Variants in ZMPSTE24 observed in about 807,000 individuals in gnomAD.
The protein encoded by ZMPSTE24 is zinc metallopeptidase STE24, also known as CAAX prenyl protease 1 homolog.
In ZMPSTE24, 48 loss-of-function variants were observed where a neutral mutation model predicts 56.7. The observed-to-expected ratio is 0.85, with a 90% CI of 0.67 to 1.08. The LOEUF (loss-of-function observed/expected upper bound fraction) is 1.08, where lower values mean the gene tolerates loss of function less well. ZMPSTE24 is among the 50% of genes least tolerant of loss of function. The pLI is 0.00. For synonymous variants in ZMPSTE24, 172 were observed against 195.2 expected, an observed-to-expected ratio of 0.88 and a Z score of 0.99; for missense variants, 503 against 548.7, an observed-to-expected ratio of 0.92 and a Z score of 0.83.
chr1:40,273,234 C>T (rs1360942755), intron 6 of ZMPSTE24, among the ~76,000 whole-genome samples: 1 of 151,852 alleles, frequency 6.6e-6, no homozygotes, highest in African/African-American at 2.4e-5. Context: ...TTTCAGACAT[C>T]TGGCTGGGCG....
chr1:40,289,675 A>G (rs1643820623), intron 8 of ZMPSTE24, among the ~76,000 whole-genome samples: 1 of 152,214 alleles, frequency 6.6e-6, no homozygotes, highest in African/African-American at 2.4e-5. Flanking sequence ...TAATTTGCAC[A>G]GAAAAAGAAT....
At chr1:40,284,890 C>G (rs1481988429) in intron 7 of ZMPSTE24, among the ~76,000 whole-genome samples, 1 of 146,940 alleles carries the variant, frequency 6.8e-6, no homozygotes, top group East Asian at 2.0e-4. Context: ...GTCTTACTTT[C>G]TTCACCTAAT....
intron 9 of ZMPSTE24, 151 bp from the exon 10 acceptor site, chr1:40,292,294 C>T (rs1643850980): frequency 1.4e-6 from 1 of 700,234 alleles, no homozygotes; most frequent in Non-Finnish European, 2.5e-6. Flanking sequence ...ATAATTTCCT[C>T]ACCCTAGGTC....
intron 1 of ZMPSTE24, among the ~76,000 whole-genome samples, chr1:40,260,164 G>A (rs1255329654): frequency 6.9e-6 from 1 of 144,708 alleles, no homozygotes; most frequent in Non-Finnish European, 1.5e-5. Context: ...AGGCTCAAGT[G>A]ATCCTCCCAC....
chr1:40,278,792 A>G (rs1643698335), intron 6 of ZMPSTE24, among the ~76,000 whole-genome samples: 1 of 152,158 alleles, frequency 6.6e-6, no homozygotes, highest in Admixed American at 6.5e-5. Flanking sequence ...TAGAAATCAA[A>G]GAAGTGCATA....
At chr1:40,286,334 A>G (rs1297961208) in intron 8 of ZMPSTE24, among the ~76,000 whole-genome samples, 1 of 152,210 alleles carries the variant, frequency 6.6e-6, no homozygotes, top group Non-Finnish European at 1.5e-5. Context: ...TGTTATCACC[A>G]CCATCATCAC....
intron 5 of ZMPSTE24, among the ~76,000 whole-genome samples, chr1:40,270,472 A>G (rs1366750970): frequency 6.6e-6 from 1 of 152,208 alleles, no homozygotes; most frequent in East Asian, 1.9e-4. Flanking sequence ...GCCTAAAATC[A>G]TGGTTATTTT....
chr1:40,275,524 G>A (rs1643661057), intron 6 of ZMPSTE24, among the ~76,000 whole-genome samples: 1 of 151,894 alleles, frequency 6.6e-6, no homozygotes, highest in Non-Finnish European at 1.5e-5. Context: ...GGCTGAGGCA[G>A]GTGGATTACC....
Position 40,293,332 on chromosome 1 carries a change from T to G in ZMPSTE24, c.*663T>G, listed in dbSNP as rs1254121202. The G allele has an allele frequency of 6.6e-6, 1 of 152,128 alleles. No individual in the cohort carries two copies. The highest frequency in any genetic ancestry group is 2.4e-5 in the African/African-American group (1 of 41,412). 9.4% of individuals were successfully genotyped at this position (152,128 alleles called of 1,614,324 possible). A position where few individuals can be genotyped will look rare whatever the true frequency, so the allele number is the denominator to read the frequency against. ...TTTTAAATCATTGAGTTTTGTGGGG[T>G]TTTTTTGTTTGTTTGTTTCTTTTGT... On this transcript the variant is annotated 3_prime_UTR_variant, in exon 10 of 10. Transcript: ENST00000372759.
rs867305701 is a variant in ZMPSTE24 at position 40,262,838 on chromosome 1, A to G, written c.270+1853A>G. 5.9e-5 allele frequency: 69 copies of G among 1,165,164 alleles called. 1 individual carries two copies. The South Asian group carries it at 1.1e-3, about 18-fold the overall frequency. 72.2% of individuals were successfully genotyped at this position (1,165,164 alleles called of 1,614,324 possible). On this transcript the variant is annotated intron_variant, in intron 2 of 9. Transcript: ENST00000372759. ...TTTCCCCTTCTGTTTCACCAGTTCC[A>G]GAGAATTGTTGAACAACTTAACAAC...
intron 8 of ZMPSTE24, among the ~76,000 whole-genome samples, chr1:40,287,147 A>G (rs1569662346): frequency 6.6e-6 from 1 of 151,524 alleles, no homozygotes; most frequent in Admixed American, 6.6e-5. Flanking sequence ...ACTCACTGCA[A>G]CCTGCACCTC....
At chr1:40,272,807 T>TA (rs1643625752) in intron 6 of ZMPSTE24, among the ~76,000 whole-genome samples, 1 of 152,220 alleles carries the variant, frequency 6.6e-6, no homozygotes, top group Admixed American at 6.5e-5. Flanking sequence ...ACTTACCAGT[T>TA]ATAGGATCTT....
At position 40,287,946 on chromosome 1, in the gene ZMPSTE24, G is replaced by A. The variant is rs367661352; in HGVS notation, c.1059+1917G>A. 8.5e-5 allele frequency among the ~76,000 whole-genome samples: 13 copies of A among 152,242 alleles called. 1 individual carries two copies. The highest frequency in any genetic ancestry group is 5.8e-4 in the East Asian group (3 of 5,166). On this transcript the variant is annotated intron_variant, in intron 8 of 9. Coordinates refer to ENST00000372759, the MANE Select transcript of ZMPSTE24 (RefSeq NM_005857.5). ...AATCCCAATACTTTGGAAGGTTGAC[G>A]AGGGAAGATCATCTGAGGCCAGGAG...
chr1:40,287,140 C>T (rs916574303), intron 8 of ZMPSTE24, among the ~76,000 whole-genome samples: 1 of 151,688 alleles, frequency 6.6e-6, no homozygotes, highest in Non-Finnish European at 1.5e-5. Context: ...GATCTCAACT[C>T]ACTGCAACCT....
chr1:40,285,131 G>C (rs959479694), intron 7 of ZMPSTE24, among the ~76,000 whole-genome samples: 4 of 150,998 alleles, frequency 2.6e-5, no homozygotes, highest in Admixed American at 1.3e-4. Context: ...TTTTGAGATG[G>C]AGTCTTGCTC....
intron 8 of ZMPSTE24, among the ~76,000 whole-genome samples, chr1:40,289,905 T>G (rs1216939808): frequency 6.6e-6 from 1 of 152,164 alleles, no homozygotes; most frequent in Non-Finnish European, 1.5e-5. Context: ...CTGATTACAG[T>G]GTTATAAAAC....
At chr1:40,282,643 A>G (rs980281707) in intron 7 of ZMPSTE24, among the ~76,000 whole-genome samples, 5 of 152,202 alleles carry the variant, frequency 3.3e-5, no homozygotes, top group African/African-American at 4.8e-5. Context: ...CACCCCGCCA[A>G]GCTTTCTAAA....
intron 5 of ZMPSTE24, among the ~76,000 whole-genome samples, chr1:40,271,263 C>T (rs1643612023): frequency 6.6e-6 from 1 of 152,168 alleles, no homozygotes; most frequent in Non-Finnish European, 1.5e-5. Context: ...ACATAATGCT[C>T]ATTGTTTCAT....
chr1:40,292,411 G>A (rs1387054612), intron 9 of ZMPSTE24, 34 bp from the exon 10 acceptor site: 1 of 1,595,184 alleles, frequency 6.3e-7, no homozygotes, highest in African/African-American at 1.3e-5. Flanking sequence ...AAAGAGGTGG[G>A]CAGTGGCTAA....
Sources: allele counts gnomAD v4.1 joint callset (sites outside exome capture counted in the v4.1 genomes callset), GRCh38; gene constraint gnomAD v4.1.1; transcripts MANE v1.5; gene names NCBI Gene and HGNC (gene_info 2026-07-23, HGNC 2026-07-21).